Variants in MAPK1IP1L observed in about 807,000 individuals in gnomAD.
MAPK1IP1L encodes the protein MAPK-interacting and spindle-stabilizing protein-like.
A neutral mutation model predicts 18.1 loss-of-function variants in MAPK1IP1L; 10 were observed. That is an observed-to-expected ratio of 0.55 (90% CI 0.34 to 0.94). The LOEUF is 0.94. Among genes scored for constraint, MAPK1IP1L ranks in the 40% least tolerant of loss-of-function variants. The pLI is 0.02. For missense variants in MAPK1IP1L, 260 were observed against 318.2 expected (o/e 0.82, Z 1.39); for synonymous variants, 115 against 117.3 (o/e 0.98, Z 0.13).
chr14:55,053,446 TG>T (rs2042746201), intron 1 of MAPK1IP1L, among the ~76,000 whole-genome samples: 1 of 152,244 alleles, frequency 6.6e-6, no homozygotes, highest in Non-Finnish European at 1.5e-5. Flanking sequence ...TTTAGGCACT[TG>T]ATTGGACAGA....
intron 3 of MAPK1IP1L, 31 bp downstream of exon 3, chr14:55,063,356 CT>C: frequency 1.3e-6 from 2 of 1,535,286 alleles, no homozygotes; most frequent in Non-Finnish European, 1.8e-6. Context: ...TTAAAGTGTA[CT>C]AATTGTACAT....
chr14:55,061,717 T>A lies in MAPK1IP1L; in HGVS notation c.18+16T>A, dbSNP rs781589135. ...TGAATTTTCGGTAAGTTGATCAGTT[T>A]ATCTGTGATAAGTTTTTCATCTCTT... On this transcript the variant is annotated intron_variant, in intron 2 of 3. Coordinates refer to ENST00000395468, the MANE Select transcript of MAPK1IP1L (RefSeq NM_144578.4). 2 of 1,555,900 alleles carry A rather than the reference T, an allele frequency of 1.3e-6. No homozygotes were observed. Among genetic ancestry groups the A allele is most frequent in the Admixed American group, 3.8e-5 (2 of 53,216 alleles).
rs774326393 is a variant in MAPK1IP1L at position 55,068,545 on chromosome 14, C to T, written c.*3918C>T. On this transcript the variant is annotated 3_prime_UTR_variant, in exon 4 of 4. Coordinates refer to ENST00000395468, the MANE Select transcript of MAPK1IP1L (RefSeq NM_144578.4). ...AAGGTTAGAAAGCCTGGAAATAAAA[C>T]TTAAGCACAGACATTCAAGTTTTTG... 7.9e-5 allele frequency: 12 copies of T among 152,418 alleles called. No individual in the cohort carries two copies. Among genetic ancestry groups the T allele is most frequent in the Non-Finnish European group, 1.6e-4 (11 of 68,026 alleles). The allele number at this position is 152,418 out of a possible 1,614,324, so 9.4% of individuals were successfully genotyped here.
chr14:55,052,014 G>T (rs926408329), intron 1 of MAPK1IP1L, among the ~76,000 whole-genome samples: 3 of 152,066 alleles, frequency 2.0e-5, no homozygotes, highest in Non-Finnish European at 4.4e-5. Flanking sequence ...CCTGGGGATC[G>T]CCCCCCAGGG....
In MAPK1IP1L at chr14:55,063,378, A is replaced by G. The variant is rs544464354; in HGVS notation, c.726+53A>G. 85 of 1,433,620 alleles carry G rather than the reference A, an allele frequency of 5.9e-5. 1 individual carries two copies. In the South Asian group the frequency reaches 1.1e-3, roughly 19 times the overall value. The allele number at this position is 1,433,620 out of a possible 1,614,324, so 88.8% of individuals were successfully genotyped here. On this transcript the variant is annotated intron_variant, in intron 3 of 3. Transcript: ENST00000395468. ...GTACTAATTGTACATAGCACAACTGACATTGTTTCTCCCCAGTTTTGGATG... is the reference window on the plus strand; with the variant it reads ...GTACTAATTGTACATAGCACAACTGGCATTGTTTCTCCCCAGTTTTGGATG...
chr14:55,051,756 G>A lies in MAPK1IP1L; in HGVS notation c.-52G>A, dbSNP rs1168030554. ...CCGCGTCTTCAGGGCCCAGTCCCTC[G>A]GACCCATCGCCGCTTCTAGACCCTA... is the stretch of plus-strand genomic sequence containing the variant. On this transcript the variant is annotated 5_prime_UTR_variant, in exon 1 of 4. Transcript: ENST00000395468. The A allele has an allele frequency of 3.9e-6, 2 of 514,624 alleles. No individual in the cohort carries two copies. Among genetic ancestry groups the A allele is most frequent in the Non-Finnish European group, 7.7e-6 (2 of 258,788 alleles). 31.9% of individuals were successfully genotyped at this position (514,624 alleles called of 1,614,324 possible).
intron 3 of MAPK1IP1L, among the ~76,000 whole-genome samples, 177 bp from the exon 4 acceptor site, chr14:55,064,439 C>G (rs1327883501): frequency 6.6e-6 from 1 of 152,144 alleles, no homozygotes; most frequent in African/African-American, 2.4e-5. Flanking sequence ...AGTGTAATTT[C>G]TTTCTTGCTA....
At chr14:55,053,212 A>C (rs1439427009) in intron 1 of MAPK1IP1L, among the ~76,000 whole-genome samples, 2 of 152,224 alleles carry the variant, frequency 1.3e-5, no homozygotes, top group Non-Finnish European at 1.5e-5. Flanking sequence ...AGATTTGTTT[A>C]TTAAAAGTTT....
chr14:55,059,225 G>GAAAAAAAAAAAAAA (rs3078612), intron 1 of MAPK1IP1L, among the ~76,000 whole-genome samples: 7 of 63,280 alleles, frequency 1.1e-4, no homozygotes, highest in Non-Finnish European at 2.1e-4. Flanking sequence ...AGGAAAATCT[G>GAAAAAAAAAAAAAA]AAAAAAAAAA....
In MAPK1IP1L at chr14:55,063,442, T is replaced by C. The variant is rs1410287842; in HGVS notation, c.726+117T>C. ...GCTTTTAAGTTTTTAAAAGAGGGTG[T>C]GTGTATATTAAATAAGTAAATTTCA... On this transcript the variant is annotated intron_variant, in intron 3 of 3. Transcript: ENST00000395468. 2.3e-5 allele frequency: 19 copies of C among 840,250 alleles called. No homozygotes were observed. In the East Asian group the frequency reaches 3.2e-4, roughly 14 times the overall value. 52.0% of individuals were successfully genotyped at this position (840,250 alleles called of 1,614,324 possible). A position where few individuals can be genotyped will look rare whatever the true frequency, so the allele number is the denominator to read the frequency against.
Position 55,069,084 on chromosome 14 carries a change from G to T in MAPK1IP1L, c.*4457G>T, listed in dbSNP as rs2042887245. ...CAGCGCAACAATTCAAGTGTGCAAA[G>T]TAACAGGATAGTTTGCCTCTTCACT... is the stretch of plus-strand genomic sequence containing the variant. On this transcript the variant is annotated 3_prime_UTR_variant, in exon 4 of 4. Coordinates refer to ENST00000395468, the MANE Select transcript of MAPK1IP1L (RefSeq NM_144578.4). The T allele has an allele frequency of 4.0e-5, 6 of 151,868 alleles. No individual in the cohort carries two copies. In the South Asian group the frequency reaches 1.2e-3, roughly 32 times the overall value. The allele number at this position is 151,868 out of a possible 1,614,324, so 9.4% of individuals were successfully genotyped here.
At position 55,066,967 on chromosome 14, in the gene MAPK1IP1L, G is replaced by C. The variant is rs557643992; in HGVS notation, c.*2340G>C. On this transcript the variant is annotated 3_prime_UTR_variant, in exon 4 of 4. Coordinates refer to ENST00000395468, the MANE Select transcript of MAPK1IP1L (RefSeq NM_144578.4). ...TGCTGGAGTGCAGTGGTGCTATCTT[G>C]GTTCACTGCAAGCTCCATCTCCCAG... 5 of 150,388 alleles carry C rather than the reference G, an allele frequency of 3.3e-5. No individual in the cohort carries two copies. The East Asian group carries it at 9.8e-4, about 29-fold the overall frequency. 9.3% of individuals were successfully genotyped at this position (150,388 alleles called of 1,614,324 possible).
intron 1 of MAPK1IP1L, among the ~76,000 whole-genome samples, chr14:55,057,773 A>T (rs1471430470): frequency 2.0e-5 from 3 of 151,892 alleles, no homozygotes; most frequent in Non-Finnish European, 4.4e-5. Flanking sequence ...AAAAAAATTT[A>T]AATGATTTCT....
chr14:55,056,419 C>T (rs765183756), intron 1 of MAPK1IP1L, among the ~76,000 whole-genome samples: 19 of 152,026 alleles, frequency 1.2e-4, no homozygotes, highest in African/African-American at 2.7e-4. Context: ...TACAACTTAC[C>T]GTATATTTTC....
chr14:55,065,917 C>G lies in MAPK1IP1L; in HGVS notation c.*1290C>G, dbSNP rs1015542386. The stretch of plus-strand genomic sequence containing the variant: ...GAAAATAATAATAAATTGTAGATCT[C>G]TGCAACTAAGTTTAAAGCAGTGTGA... On this transcript the variant is annotated 3_prime_UTR_variant, in exon 4 of 4. Transcript: ENST00000395468. 3.3e-5 allele frequency: 5 copies of G among 151,894 alleles called. No homozygotes were observed. Among genetic ancestry groups the G allele is most frequent in the Non-Finnish European group, 7.4e-5 (5 of 67,988 alleles). 9.4% of individuals were successfully genotyped at this position (151,894 alleles called of 1,614,324 possible).
rs2042879648 is a variant in MAPK1IP1L, at chr14:55,068,191, C to G, written c.*3564C>G. On this transcript the variant is annotated 3_prime_UTR_variant, in exon 4 of 4. Transcript: ENST00000395468. ...AGGACTGACTGTTTTGTGCATTTTACTGTTGGTTGTCTTCAGTAGAGAATA... is the reference window on the plus strand; with the variant it reads ...AGGACTGACTGTTTTGTGCATTTTAGTGTTGGTTGTCTTCAGTAGAGAATA... The G allele has an allele frequency of 1.3e-5, 2 of 152,404 alleles. No homozygotes were observed. Among genetic ancestry groups the G allele is most frequent in the South Asian group, 4.1e-4 (2 of 4,820 alleles). 9.4% of individuals were successfully genotyped at this position (152,404 alleles called of 1,614,324 possible).
In MAPK1IP1L at chr14:55,068,590, C is replaced by G. The variant is rs2042883389; in HGVS notation, c.*3963C>G. The G allele has an allele frequency of 6.6e-6, 1 of 152,198 alleles. No individual in the cohort carries two copies. The highest frequency in any genetic ancestry group is 2.4e-5 in the African/African-American group (1 of 41,430). The allele number at this position is 152,198 out of a possible 1,614,324, so 9.4% of individuals were successfully genotyped here. Reference sequence around the variant, plus strand: ...TTTTTGAAAAGCATAAGCCTAAATTCAGATAAATCACACTGATATATTGTA... The same window carrying G: ...TTTTTGAAAAGCATAAGCCTAAATTGAGATAAATCACACTGATATATTGTA... On this transcript the variant is annotated 3_prime_UTR_variant, in exon 4 of 4. Transcript: ENST00000395468.
rs369318488 is a variant in MAPK1IP1L at position 55,051,699 on chromosome 14, C to T, written c.-109C>T. On this transcript the variant is annotated 5_prime_UTR_variant, in exon 1 of 4. Coordinates refer to ENST00000395468, the MANE Select transcript of MAPK1IP1L (RefSeq NM_144578.4). ...CGCGCGCTGCTGGTGCTGTTGCCGC[C>T]GCTGCTCTAGCTGCCGTCAGTCAGG... is the stretch of plus-strand genomic sequence containing the variant. The T allele has an allele frequency of 5.3e-4, 276 of 516,256 alleles. No individual in the cohort carries two copies. Among genetic ancestry groups the T allele is most frequent in the South Asian group, 1.1e-3 (77 of 71,464 alleles). The allele number at this position is 516,256 out of a possible 1,614,324, so 32.0% of individuals were successfully genotyped here. A position where few individuals can be genotyped will look rare whatever the true frequency, so the allele number is the denominator to read the frequency against.
intron 1 of MAPK1IP1L, among the ~76,000 whole-genome samples, chr14:55,058,088 C>T (rs539287905): frequency 1.6e-4 from 25 of 152,218 alleles, no homozygotes; most frequent in Non-Finnish European, 3.4e-4. Flanking sequence ...CTGAACTGGA[C>T]GCCATCCCAG....
Sources: allele counts gnomAD v4.1 joint callset (sites outside exome capture counted in the v4.1 genomes callset), GRCh38; gene constraint gnomAD v4.1.1; transcripts MANE v1.5; gene names NCBI Gene and HGNC (gene_info 2026-07-23, HGNC 2026-07-21).